The following CAMSAP2 variants were observed in gnomAD, a reference collection of about 807,000 sequenced individuals.
CAMSAP2 encodes the protein calmodulin regulated spectrin associated protein family member 2.
A neutral mutation model predicts 146.1 loss-of-function variants in CAMSAP2; 26 were observed. The ratio of observed to expected loss-of-function variants is 0.18; its 90% CI spans 0.13 to 0.25. CAMSAP2 has a LOEUF of 0.25. CAMSAP2 is among the 10% of genes least tolerant of loss of function. The pLI is 1.00. For missense variants in CAMSAP2, 1,381 were observed against 1,759.3 expected, an observed-to-expected ratio of 0.78 and a Z score of 3.85; for synonymous variants, 499 against 596.6, an observed-to-expected ratio of 0.84 and a Z score of 2.38.
At chr1:200,839,158 G>A (rs1183618274) in intron 6 of CAMSAP2, among the ~76,000 whole-genome samples, 3 of 152,204 alleles carry the variant, frequency 2.0e-5, no homozygotes, top group South Asian at 2.1e-4. Context: ...AAAGAGGGGC[G>A]AGATCAGGAA....
rs139060150 is a variant in CAMSAP2, at chr1:200,848,047, C to T, written c.1278C>T (p.Gly426=). 566 of 1,541,038 alleles carry T rather than the reference C, an allele frequency of 3.7e-4. 1 individual carries two copies. The highest frequency in any genetic ancestry group is 5.3e-4 in the Admixed American group (25 of 46,994). Residue 426 remains glycine, a synonymous_variant, in exon 11 of 17, where the codon GGC becomes GGT. Transcript: ENST00000358823. Reference sequence around the variant, plus strand: ...TTTTTTTTAGATCATCAGTGCATGGCGTATCATTTGATATTTCTTTTGATA... The same window carrying T: ...TTTTTTTTAGATCATCAGTGCATGGTGTATCATTTGATATTTCTTTTGATA... ...WPKEKRSSVH[G]VSFDISFDKE... is the part of the protein sequence containing the mutation.
At chr1:200,811,170 A>G (rs1558187742) in intron 3 of CAMSAP2, among the ~76,000 whole-genome samples, 2 of 152,158 alleles carry the variant, frequency 1.3e-5, no homozygotes, top group Non-Finnish European at 2.9e-5. Flanking sequence ...TTCAGTGGAA[A>G]ACCCAAGGTG....
At chr1:200,824,928 G>T (rs1473460292) in intron 4 of CAMSAP2, among the ~76,000 whole-genome samples, 1 of 152,134 alleles carries the variant, frequency 6.6e-6, no homozygotes, top group Non-Finnish European at 1.5e-5. Context: ...GCAGTGAGCC[G>T]AGATCGTGCC....
At chr1:200,765,555 G>A (rs1664925966) in intron 2 of CAMSAP2, among the ~76,000 whole-genome samples, 1 of 152,038 alleles carries the variant, frequency 6.6e-6, no homozygotes, top group Non-Finnish European at 1.5e-5. Flanking sequence ...GTATCCAGCT[G>A]ACCACTGACA....
chr1:200,742,590 T>C (rs2102982714), intron 1 of CAMSAP2, among the ~76,000 whole-genome samples: 1 of 152,316 alleles, frequency 6.6e-6, no homozygotes, highest in South Asian at 2.1e-4. Flanking sequence ...GAAAGGTTAA[T>C]AGATAGCATA....
At chr1:200,852,272 G>A (rs1225093946) in intron 11 of CAMSAP2, among the ~76,000 whole-genome samples, 1 of 152,100 alleles carries the variant, frequency 6.6e-6, no homozygotes, top group East Asian at 1.9e-4. Context: ...GTGCTTTTTT[G>A]TTTTGTTTTT....
In CAMSAP2 at chr1:200,853,277, G is replaced by T; in HGVS notation, c.3605G>T (p.Arg1202Leu). The T allele has an allele frequency of 6.2e-7, 1 of 1,612,524 alleles. No homozygotes were observed. The highest frequency in any genetic ancestry group is 8.5e-7 in the Non-Finnish European group (1 of 1,179,700). Reference sequence around the variant, plus strand: ...ACTGTAACCATTTGATTTCTTAGGCGTAAAACTGAGGAAGAACGTCAGAAG... The same window carrying T: ...ACTGTAACCATTTGATTTCTTAGGCTTAAAACTGAGGAAGAACGTCAGAAG... Reference protein sequence around the residue: ...EMEHKKEETRRKTEEERQKKE... With the variant: ...EMEHKKEETRLKTEEERQKKE... The change falls in exon 13 of 17, where the codon CGT (arginine) becomes CTT (leucine). Residue 1202 changes from arginine (R) to leucine (L), a missense_variant and splice_region_variant. Physicochemically the swap from Arg to Leu is moderately radical, Grantham distance 102. Coordinates refer to ENST00000358823, the MANE Select transcript of CAMSAP2 (RefSeq NM_203459.4). This position sits in a 1 kb window ranked among gnomAD's most constrained non-coding sequence, Gnocchi z 5.1.
At chr1:200,852,098 A>G (rs138316587) in intron 11 of CAMSAP2, among the ~76,000 whole-genome samples, 2 of 152,208 alleles carry the variant, frequency 1.3e-5, no homozygotes, top group African/African-American at 4.8e-5. Flanking sequence ...TCATGCAGCA[A>G]TAGTTTCATT....
At chr1:200,816,157 A>G (rs59118129) in intron 4 of CAMSAP2, among the ~76,000 whole-genome samples, 426 of 152,152 alleles carry the variant, frequency 2.8e-3, no homozygotes, top group African/African-American at 9.4e-3. Flanking sequence ...AGCTGGGCAT[A>G]GTGGCGTGTA....
intron 3 of CAMSAP2, among the ~76,000 whole-genome samples, chr1:200,808,525 A>T (rs186355135): frequency 7.9e-5 from 12 of 152,348 alleles, no homozygotes; most frequent in Admixed American, 7.2e-4. Flanking sequence ...TATCTTCATT[A>T]TCCATAATAT....
chr1:200,777,206 C>A (rs577467669), intron 2 of CAMSAP2, among the ~76,000 whole-genome samples: 1 of 152,048 alleles, frequency 6.6e-6, no homozygotes, highest in African/African-American at 2.4e-5. Flanking sequence ...AAATGTGGGG[C>A]CCAGTCTGTG....
intron 3 of CAMSAP2, among the ~76,000 whole-genome samples, chr1:200,814,609 C>CAAAA (rs1204730822): frequency 1.7e-4 from 4 of 24,080 alleles, no homozygotes; most frequent in African/African-American, 1.7e-4. Context: ...GATTGCATCC[C>CAAAA]AAAAAAAAAA....
chr1:200,766,257 C>A (rs979327642), intron 2 of CAMSAP2, among the ~76,000 whole-genome samples: 1 of 151,946 alleles, frequency 6.6e-6, no homozygotes, highest in Non-Finnish European at 1.5e-5. Flanking sequence ...GACCCTCCCA[C>A]CTCAGCCTCC....
chr1:200,819,737 AAAAC>A, intron 4 of CAMSAP2, among the ~76,000 whole-genome samples: 1 of 152,214 alleles, frequency 6.6e-6, no homozygotes, highest in Admixed American at 6.5e-5. Flanking sequence ...ACATGAGACA[AAAAC>A]AAAAGGTTGG....
intron 2 of CAMSAP2, among the ~76,000 whole-genome samples, chr1:200,789,569 T>C (rs1403652731): frequency 6.6e-6 from 1 of 152,226 alleles, no homozygotes; most frequent in Non-Finnish European, 1.5e-5. Flanking sequence ...TGAATCTCTG[T>C]AGTGAGCTTT....
chr1:200,828,243 G>C (rs1314044890), intron 4 of CAMSAP2, among the ~76,000 whole-genome samples: 1 of 151,952 alleles, frequency 6.6e-6, no homozygotes, highest in Non-Finnish European at 1.5e-5. Context: ...CTTCCCTTTT[G>C]TGATATAGAT....
chr1:200,762,206 G>GT (rs1443867971), intron 2 of CAMSAP2, among the ~76,000 whole-genome samples: 8 of 151,898 alleles, frequency 5.3e-5, no homozygotes, highest in Non-Finnish European at 8.8e-5. Flanking sequence ...TTGTTTTCTG[G>GT]TTTTTTTCCT....
intron 1 of CAMSAP2, among the ~76,000 whole-genome samples, chr1:200,753,553 C>A (rs1664567668): frequency 6.6e-6 from 1 of 152,130 alleles, no homozygotes; most frequent in Admixed American, 6.6e-5. Context: ...GAGATCCTTA[C>A]ATGGGTGCTG....
intron 1 of CAMSAP2, among the ~76,000 whole-genome samples, chr1:200,755,516 G>T (rs1281165566): frequency 2.6e-5 from 4 of 152,210 alleles, no homozygotes; most frequent in Non-Finnish European, 4.4e-5. Flanking sequence ...CTGGAGCTCA[G>T]AAGAGGTGCT....
Sources: gnomAD v4.1 joint callset for allele counts (sites outside exome capture counted in the v4.1 genomes callset) on GRCh38, gnomAD v4.1.1 for gene constraint, Gnocchi (gnomAD v3.1) non-coding constraint, MANE v1.5 for transcripts, NCBI Gene and HGNC (gene_info 2026-07-23, HGNC 2026-07-21) for gene names.